Variants in PPP1R21 observed in about 807,000 individuals in gnomAD.
PPP1R21 encodes KLRAQ motif containing 1.
In PPP1R21, 85 loss-of-function variants were observed where a neutral mutation model predicts 112.8. The ratio of observed to expected loss-of-function variants is 0.75; its 90% CI spans 0.63 to 0.90. The LOEUF is 0.90. Among genes scored for constraint, PPP1R21 ranks in the 40% least tolerant of loss-of-function variants. The pLI, the probability that PPP1R21 is intolerant of heterozygous loss-of-function variation, is 0.00. For synonymous variants in PPP1R21, 381 were observed against 322.3 expected, an observed-to-expected ratio of 1.18 and a Z score of -1.95; for missense variants, 1,199 against 901.5, an observed-to-expected ratio of 1.33 and a Z score of -4.23.
intron 19 of PPP1R21, among the ~76,000 whole-genome samples, chr2:48,507,729 T>G (rs1000230776): frequency 6.8e-6 from 1 of 146,672 alleles, no homozygotes; most frequent in East Asian, 2.1e-4. Flanking sequence ...AATATAAGAC[T>G]GATTTGAGTG....
chr2:48,468,868 T>C (rs1343407876), intron 9 of PPP1R21, among the ~76,000 whole-genome samples: 1 of 151,598 alleles, frequency 6.6e-6, no homozygotes, highest in Non-Finnish European at 1.5e-5. Context: ...TATGTATATA[T>C]GTATGTGTGT....
Position 48,458,205 on chromosome 2 carries a change from A to G in PPP1R21, c.353A>G (p.Glu118Gly), listed in dbSNP as rs1455644729. 8.7e-6 allele frequency: 14 copies of G among 1,610,986 alleles called. No homozygotes were observed. Among genetic ancestry groups the G allele is most frequent in the Non-Finnish European group, 1.2e-5 (14 of 1,177,780 alleles). ...GAAGATCTGCAAAAGAAGATAGAAG[A>G]GAATGAACGGTTGCATATACAAGTG... ...FDEDLQKKIE[E>G]NERLHIQFFE... Residue 118 changes from glutamate to glycine, a missense_variant, in exon 4 of 22, where the codon GAG (glutamate) becomes GGG (glycine). Physicochemically the swap from Glu to Gly is moderately conservative, Grantham distance 98 (BLOSUM62 -2). Coordinates refer to ENST00000294952, the MANE Select transcript of PPP1R21 (RefSeq NM_001135629.3).
intron 3 of PPP1R21, among the ~76,000 whole-genome samples, chr2:48,456,407 A>G (rs542499022): frequency 1.3e-5 from 2 of 152,330 alleles, no homozygotes; most frequent in East Asian, 1.9e-4. Context: ...GGAGTGCAGT[A>G]TGGCCAGAAG....
In PPP1R21 at chr2:48,511,402, G is replaced by A. The variant is rs1389229503; in HGVS notation, c.2247G>A (p.Leu749=). The part of the protein sequence containing the change: ...EDQLSMMSDH[L]CSMNETLSKQ... ...AGTTAAGTATGATGAGTGACCACCTGTGCAGCATGAATGAGACATTATCTA... is the reference window on the plus strand; with the variant it reads ...AGTTAAGTATGATGAGTGACCACCTATGCAGCATGAATGAGACATTATCTA... The change falls in exon 21 of 22, where the codon CTG becomes CTA. Residue 749 remains leucine (L), a synonymous_variant. Coordinates refer to ENST00000294952, the MANE Select transcript of PPP1R21 (RefSeq NM_001135629.3). 1 of 1,614,002 alleles carries A rather than the reference G, an allele frequency of 6.2e-7. No individual in the cohort carries two copies. The highest frequency in any genetic ancestry group is 1.1e-5 in the South Asian group (1 of 91,076).
In PPP1R21 at chr2:48,461,197, C is replaced by T. The variant is rs1667961740; in HGVS notation, c.659C>T (p.Ser220Leu). The T allele has an allele frequency of 6.4e-7, 1 of 1,574,722 alleles. No homozygotes were observed. Among genetic ancestry groups the T allele is most frequent in the Non-Finnish European group, 8.6e-7 (1 of 1,166,762 alleles). ...TCAGGTAGATTAGAGGAATCCTTAT[C>T]AATCATCAATGAAAAAGTACCTTTT... ...DLSGRLEESL[S>L]IINEKVPFND... Residue 220 changes from serine to leucine, a missense_variant, in exon 7 of 22, where the codon TCA becomes TTA. Transcript: ENST00000294952.
At chr2:48,458,755 G>T (rs1261796095) in intron 4 of PPP1R21, among the ~76,000 whole-genome samples, 1 of 152,046 alleles carries the variant, frequency 6.6e-6, no homozygotes, top group African/African-American at 2.4e-5. Flanking sequence ...TTTATGGAAT[G>T]TTGAAAAGTT....
At chr2:48,496,369 G>A (rs1669834453) in intron 16 of PPP1R21, among the ~76,000 whole-genome samples, 1 of 152,130 alleles carries the variant, frequency 6.6e-6, no homozygotes, top group South Asian at 2.1e-4. Flanking sequence ...GCATTATAGG[G>A]CATAAGACCC....
At chr2:48,467,983 T>C (rs977777136) in intron 9 of PPP1R21, among the ~76,000 whole-genome samples, 1 of 152,206 alleles carries the variant, frequency 6.6e-6, no homozygotes, top group Non-Finnish European at 1.5e-5. Context: ...TCATGCAGTA[T>C]TTTCAGGGTC....
chr2:48,476,291 T>A (rs1000600271), intron 12 of PPP1R21, among the ~76,000 whole-genome samples: 16 of 152,252 alleles, frequency 1.1e-4, no homozygotes, highest in Non-Finnish European at 2.1e-4. Flanking sequence ...AGTACTCAAT[T>A]TTTATTGCAG....
intron 8 of PPP1R21, 85 bp from the exon 9 acceptor site, chr2:48,465,408 T>G: frequency 8.2e-7 from 1 of 1,225,450 alleles, no homozygotes; most frequent in Non-Finnish European, 1.1e-6. Context: ...AGGATTCAAA[T>G]GTTTTCTCCA....
intron 17 of PPP1R21, 74 bp from the exon 18 acceptor site, chr2:48,505,490 A>G: frequency 8.9e-7 from 1 of 1,126,776 alleles, no homozygotes; most frequent in Non-Finnish European, 1.3e-6. Flanking sequence ...AGGAGAAAAT[A>G]TTAAAAGCGT....
intron 1 of PPP1R21, among the ~76,000 whole-genome samples, chr2:48,446,160 T>G (rs1020432038): frequency 6.6e-6 from 1 of 152,240 alleles, no homozygotes. Flanking sequence ...CACAAGATTG[T>G]TGAGGATTAG....
At chr2:48,441,781 TAATG>T (rs1667042428) in intron 1 of PPP1R21, among the ~76,000 whole-genome samples, 1 of 152,206 alleles carries the variant, frequency 6.6e-6, no homozygotes, top group Non-Finnish European at 1.5e-5. Context: ...AAGAATATTT[TAATG>T]AAGTTATTAA....
chr2:48,444,426 C>T (rs1667163187), intron 1 of PPP1R21, among the ~76,000 whole-genome samples: 1 of 152,238 alleles, frequency 6.6e-6, no homozygotes, highest in East Asian at 1.9e-4. Flanking sequence ...TTCTGACTTG[C>T]TGTTTCTTCC....
rs752748758 is a variant in PPP1R21, at chr2:48,511,449, C to G, written c.2294C>G (p.Thr765Arg). ...TLSKQREEID[T>R]LKMSSKGNSK... Reference sequence around the variant, plus strand: ...TCTAAACAGAGAGAAGAGATTGACACACTAAAGATGTCCAGTAAGGTATGT... The same window carrying G: ...TCTAAACAGAGAGAAGAGATTGACAGACTAAAGATGTCCAGTAAGGTATGT... Residue 765 changes from threonine (T) to arginine (R), a missense_variant, in exon 21 of 22, where the codon ACA becomes AGA. Physicochemically the swap from Thr to Arg is moderately conservative, Grantham distance 71 (BLOSUM62 -1). Transcript: ENST00000294952. 5 of 1,613,870 alleles carry G rather than the reference C, an allele frequency of 3.1e-6. No homozygotes were observed. Among genetic ancestry groups the G allele is most frequent in the Non-Finnish European group, 4.2e-6 (5 of 1,179,932 alleles).
chr2:48,443,290 G>A (rs1392085115), intron 1 of PPP1R21, among the ~76,000 whole-genome samples: 2 of 152,180 alleles, frequency 1.3e-5, no homozygotes, highest in Admixed American at 1.3e-4. Context: ...GGGAAGAAGA[G>A]CCCGTTCAGA....
At chr2:48,467,992 T>A (rs747364422) in intron 9 of PPP1R21, among the ~76,000 whole-genome samples, 13 of 152,202 alleles carry the variant, frequency 8.5e-5, no homozygotes, top group Non-Finnish European at 1.6e-4. Flanking sequence ...ATTTTCAGGG[T>A]CTGAACAGTG....
At chr2:48,500,653 G>A (rs1670068340) in intron 17 of PPP1R21, among the ~76,000 whole-genome samples, 2 of 152,188 alleles carry the variant, frequency 1.3e-5, no homozygotes, top group South Asian at 2.1e-4. Flanking sequence ...GCTTATGCCT[G>A]TAATCCTAGC....
chr2:48,498,352 T>C (rs552867611), intron 16 of PPP1R21, 141 bp from the exon 17 acceptor site: 5 of 720,134 alleles, frequency 6.9e-6, no homozygotes, highest in Non-Finnish European at 9.1e-6. Context: ...AATAAATCTC[T>C]TCCTATTCGA....
Sources: allele counts gnomAD v4.1 joint callset (sites outside exome capture counted in the v4.1 genomes callset), GRCh38; gene constraint gnomAD v4.1.1; transcripts MANE v1.5; gene names NCBI Gene and HGNC (gene_info 2026-07-23, HGNC 2026-07-21).